Variants in NCKAP1L observed in about 807,000 individuals in gnomAD.
NCKAP1L encodes NCK associated protein 1 like, also known as nck-associated protein 1-like.
In NCKAP1L, 53 loss-of-function variants were observed where a neutral mutation model predicts 139.2. The observed-to-expected ratio is 0.38, with a 90% CI of 0.31 to 0.48. The LOEUF (loss-of-function observed/expected upper bound fraction) is 0.48. Ranked by LOEUF, NCKAP1L falls within the 20% of genes least tolerant of loss-of-function variation. The probability of loss-of-function intolerance (pLI) is 0.98; values close to 1 mark genes in which losing one functional copy is unlikely to be tolerated. For synonymous variants in NCKAP1L, 468 were observed against 499.7 expected (o/e 0.94, Z 0.85); for missense variants, 1,151 against 1,381.9 (o/e 0.83, Z 2.65).
chr12:54,539,405 G>T (rs565094725), intron 30 of NCKAP1L, among the ~76,000 whole-genome samples: 20 of 152,318 alleles, frequency 1.3e-4, no homozygotes, highest in African/African-American at 3.8e-4. Context: ...GTTGAGGGGT[G>T]GGGGCTCAGA....
At chr12:54,500,088 T>C (rs1328633663) in intron 2 of NCKAP1L, among the ~76,000 whole-genome samples, 1 of 151,288 alleles carries the variant, frequency 6.6e-6, no homozygotes, top group African/African-American at 2.4e-5. Flanking sequence ...ACTTCCTCTG[T>C]CAGTATATTT....
chr12:54,518,846 C>T, intron 14 of NCKAP1L, 68 bp from the exon 15 acceptor site: 1 of 1,505,526 alleles, frequency 6.6e-7, no homozygotes, highest in East Asian at 2.3e-5. Flanking sequence ...AGAGGATCTA[C>T]CATTCTATGT....
At chr12:54,504,209 T>A in intron 3 of NCKAP1L, among the ~76,000 whole-genome samples, 1 of 152,196 alleles carries the variant, frequency 6.6e-6, no homozygotes, top group East Asian at 1.9e-4. Flanking sequence ...ATTCAAGAAA[T>A]AATGCAAATT....
In NCKAP1L at chr12:54,528,242, T is replaced by C; in HGVS notation, c.2376-5T>C. On this transcript the variant is annotated splice_polypyrimidine_tract_variant and splice_region_variant and intron_variant, in intron 21 of 30. Transcript: ENST00000293373. ...TAATCTATGTTTTCTTGGCCAACCC[T>C]GTAGGTACCTGGAAAGTCTGCTTAG... The C allele has an allele frequency of 6.2e-7, 1 of 1,613,580 alleles. No homozygotes were observed. The highest frequency in any genetic ancestry group is 1.1e-5 in the South Asian group (1 of 91,062).
intron 29 of NCKAP1L, 147 bp from the exon 30 acceptor site, chr12:54,538,734 TAGG>T (rs1207517697): frequency 1.3e-5 from 8 of 632,658 alleles, no homozygotes; most frequent in Non-Finnish European, 1.1e-5. Flanking sequence ...CTCTGAAACC[TAGG>T]AGATTTGCCA....
In NCKAP1L at chr12:54,519,162, C is replaced by T. The variant is rs745629557; in HGVS notation, c.1480-25C>T. 12 of 1,552,766 alleles carry T rather than the reference C, an allele frequency of 7.7e-6. No homozygotes were observed. The African/African-American group carries it at 1.7e-4, about 21-fold the overall frequency. ...CTTTTTCATTCATCTTATTTTTCTC[C>T]ACACTTTCCCAACTCCAACCGCAGG... On this transcript the variant is annotated intron_variant, in intron 15 of 30. Transcript: ENST00000293373.
At chr12:54,536,726 A>G (rs1053593825) in intron 28 of NCKAP1L, among the ~76,000 whole-genome samples, 1 of 152,118 alleles carries the variant, frequency 6.6e-6, no homozygotes, top group African/African-American at 2.4e-5. Flanking sequence ...GAAAAAAAAA[A>G]AAACCAGAAT....
In NCKAP1L at chr12:54,509,663, T is replaced by C. The variant is rs1956871229; in HGVS notation, c.507-6T>C. ...GCTGTAACCCCTCTCCTCTGCTTTC[T>C]TCTAGTGACCCCAGTTTTGCCCGTC... is the stretch of plus-strand genomic sequence containing the variant. On this transcript the variant is annotated splice_polypyrimidine_tract_variant and splice_region_variant and intron_variant, in intron 5 of 30. Coordinates refer to ENST00000293373, the MANE Select transcript of NCKAP1L (RefSeq NM_005337.5). The C allele has an allele frequency of 6.2e-7, 1 of 1,609,796 alleles. No homozygotes were observed. Among genetic ancestry groups the C allele is most frequent in the Admixed American group, 1.7e-5 (1 of 59,998 alleles).
chr12:54,517,459 C>G (rs1956942694), intron 11 of NCKAP1L, 74 bp from the exon 12 acceptor site: 2 of 958,524 alleles, frequency 2.1e-6, no homozygotes, highest in South Asian at 2.6e-5. Flanking sequence ...CCTATATTAT[C>G]ATGGTAGTTT....
chr12:54,499,504 C>A, intron 2 of NCKAP1L, 39 bp downstream of exon 2: 2 of 1,206,658 alleles, frequency 1.7e-6, no homozygotes, highest in Non-Finnish European at 2.5e-6. Flanking sequence ...CTGAATAATT[C>A]TCTGCTTGAA....
intron 26 of NCKAP1L, among the ~76,000 whole-genome samples, chr12:54,534,291 G>A (rs981061713): frequency 3.9e-5 from 6 of 152,206 alleles, no homozygotes; most frequent in Admixed American, 6.5e-5. Context: ...AAGAGGTTAA[G>A]TAACTTTTAG....
At position 54,538,908 on chromosome 12, in the gene NCKAP1L, C is replaced by T. The variant is rs1324199507; in HGVS notation, c.3208C>T (p.Leu1070=). The change falls in exon 30 of 31, where the codon CTG becomes TTG. Residue 1070 remains leucine, a synonymous_variant. Coordinates refer to ENST00000293373, the MANE Select transcript of NCKAP1L (RefSeq NM_005337.5). The stretch of plus-strand genomic sequence containing the variant: ...GGTGGCCTCTGTCAGCCTCTTGCAG[C>T]TGGGCCAGGAGACTGACAAGCTTAA... ...LVVASVSLLQ[L]GQETDKLKTR... 3 of 1,613,952 alleles carry T rather than the reference C, an allele frequency of 1.9e-6. No individual in the cohort carries two copies. The African/African-American group carries it at 4.0e-5, about 22-fold the overall frequency.
At chr12:54,501,476 G>A (rs962884428) in intron 3 of NCKAP1L, among the ~76,000 whole-genome samples, 1 of 151,438 alleles carries the variant, frequency 6.6e-6, no homozygotes, top group African/African-American at 2.4e-5. Context: ...CATGAAAGTG[G>A]AAATGCTGGA....
chr12:54,523,348 T>C (rs776618407), intron 18 of NCKAP1L, 46 bp from the exon 19 acceptor site: 6 of 1,582,696 alleles, frequency 3.8e-6, no homozygotes, highest in Non-Finnish European at 5.1e-6. Flanking sequence ...GGTGCCGTTT[T>C]AGCAACAAAT....
intron 21 of NCKAP1L, 24 bp from the exon 22 acceptor site, chr12:54,528,223 A>G: frequency 1.2e-6 from 2 of 1,612,152 alleles, no homozygotes; most frequent in East Asian, 2.2e-5. Flanking sequence ...ATCCTAATCT[A>G]TGTTTTCTTG....
At chr12:54,532,063 T>C in intron 25 of NCKAP1L, 107 bp from the exon 26 acceptor site, 1 of 920,832 alleles carries the variant, frequency 1.1e-6, no homozygotes, top group Non-Finnish European at 1.6e-6. Context: ...CTGGCTAGGT[T>C]CTTATCTAAA....
chr12:54,510,227 G>C, intron 7 of NCKAP1L: 1 of 556,588 alleles, frequency 1.8e-6, no homozygotes, highest in South Asian at 2.1e-5. Flanking sequence ...GTCCATAGAA[G>C]GAATTTAGTA....
chr12:54,529,498 G>A lies in NCKAP1L; in HGVS notation c.2506+1121G>A, dbSNP rs189165716. Reference sequence around the variant, plus strand: ...GACAGGGTGAAGATGTTCCAGTGACGCTGTCCTCTCCAGTCTTCTTCTTTG... The same window carrying A: ...GACAGGGTGAAGATGTTCCAGTGACACTGTCCTCTCCAGTCTTCTTCTTTG... On this transcript the variant is annotated intron_variant, in intron 22 of 30. Transcript: ENST00000293373. Among the ~76,000 whole-genome samples the A allele has an allele frequency of 5.0e-3, 764 of 152,220 alleles. 10 individuals are homozygous for A. Among genetic ancestry groups the A allele is most frequent in the African/African-American group, 0.017 (725 of 41,526 alleles).
At chr12:54,540,475 A>G (rs192405381) in intron 30 of NCKAP1L, among the ~76,000 whole-genome samples, 2 of 152,316 alleles carry the variant, frequency 1.3e-5, no homozygotes, top group East Asian at 3.9e-4. Context: ...ATGTGGGGGC[A>G]CAATACATAG....
Sources: allele counts gnomAD v4.1 joint callset (sites outside exome capture counted in the v4.1 genomes callset), GRCh38; gene constraint gnomAD v4.1.1; transcripts MANE v1.5; gene names NCBI Gene and HGNC (gene_info 2026-07-23, HGNC 2026-07-21).